The following TBX22 variants were observed in gnomAD, a reference collection of about 807,000 sequenced individuals.
TBX22 encodes the protein T-box transcription factor TBX22.
TBX22 carries 8 observed loss-of-function variants against 30.1 expected under a neutral mutation model. That is an observed-to-expected ratio of 0.27 (90% CI 0.16 to 0.48). The LOEUF is 0.48. Among genes scored for constraint, TBX22 ranks in the 20% least tolerant of loss-of-function variants. The pLI is 0.99. For missense variants in TBX22, 463 were observed against 400.5 expected (o/e 1.16, Z -1.33); for synonymous variants, 173 against 149.1 (o/e 1.16, Z -1.17).
intron 7 of TBX22, 55 bp from the exon 8 acceptor site, chrX:80,027,936 C>A (rs1924057506): frequency 2.2e-6 from 2 of 917,591 alleles, no homozygotes; most frequent in Non-Finnish European, 3.2e-6. Flanking sequence ...AACTCAAAAT[C>A]ATTATTTTCA....
chrX:80,020,094 A>T (rs1180228548), intron 1 of TBX22, among the ~76,000 whole-genome samples: 2 of 111,682 alleles, frequency 1.8e-5, no homozygotes, highest in African/African-American at 6.5e-5. Flanking sequence ...ATACAAGGTA[A>T]CGTCCTGCCT....
chrX:80,022,535 C>A, intron 2 of TBX22, 91 bp downstream of exon 2: 1 of 965,450 alleles, frequency 1.0e-6, no homozygotes, highest in Non-Finnish European at 1.4e-6. Flanking sequence ...GCCAGACAGC[C>A]ACATTAGGAG....
intron 2 of TBX22, chrX:80,022,787 C>G (rs1272166414): frequency 7.5e-6 from 3 of 400,759 alleles, no homozygotes; most frequent in Non-Finnish European, 1.3e-5. Context: ...CGGTTATCAA[C>G]GTCTCCAGGA....
chrX:80,027,374 G>GTTTTTTTT, intron 7 of TBX22, 54 bp downstream of exon 7: 3 of 424,889 alleles, frequency 7.1e-6, no homozygotes, highest in Non-Finnish European at 1.2e-5. Flanking sequence ...ATTTTCACAA[G>GTTTTTTTT]TTTTTTTTTT....
chrX:80,031,057 A>G lies in TBX22; in HGVS notation c.1509A>G (p.Gly503=). 1.7e-6 allele frequency: 2 copies of G among 1,211,062 alleles called. No individual in the cohort carries two copies. Among genetic ancestry groups the G allele is most frequent in the Non-Finnish European group, 2.2e-6 (2 of 894,771 alleles). ...ATGACGACAGTCAAGTTTCTTTTGG[A>G]GAAGGCAAATGTAATCATGTTCATT... ...KVNDDSQVSF[G]EGKCNHVHWY... The change falls in exon 9 of 9, where the codon GGA becomes GGG. Residue 503 remains glycine, a synonymous_variant. Coordinates refer to ENST00000373296, the MANE Select transcript of TBX22 (RefSeq NM_001109878.2).
intron 8 of TBX22, among the ~76,000 whole-genome samples, chrX:80,028,745 AT>A (rs886213244): frequency 2.2e-4 from 24 of 111,377 alleles, no homozygotes; most frequent in African/African-American, 3.6e-4. Flanking sequence ...AATGACATGG[AT>A]TTTTTTTATC....
chrX:80,020,422 G>C (rs1923638995), intron 1 of TBX22, among the ~76,000 whole-genome samples: 1 of 111,651 alleles, frequency 9.0e-6, no homozygotes, highest in Non-Finnish European at 1.9e-5. Context: ...AGAAACGAAT[G>C]CTCAGATCAC....
At chrX:80,029,156 A>G (rs1924125628) in intron 8 of TBX22, among the ~76,000 whole-genome samples, 1 of 112,108 alleles carries the variant, frequency 8.9e-6, no homozygotes. Context: ...TAAATGAGCT[A>G]CTAGTTTCTT....
intron 8 of TBX22, among the ~76,000 whole-genome samples, chrX:80,029,173 C>T (rs1924126631): frequency 9.0e-6 from 1 of 111,658 alleles, no homozygotes; most frequent in Non-Finnish European, 1.9e-5. Flanking sequence ...TCTTAAATAA[C>T]TTTTAAATGC....
At chrX:80,026,938 T>C in intron 6 of TBX22, 70 bp downstream of exon 6, 1 of 1,018,806 alleles carries the variant, frequency 9.8e-7, no homozygotes, top group Non-Finnish European at 1.4e-6. Context: ...GCATAGAGGC[T>C]AACTGCCATC....
At chrX:80,030,300 G>A (rs780401338) in intron 8 of TBX22, among the ~76,000 whole-genome samples, 198 bp from the exon 9 acceptor site, 3 of 111,925 alleles carry the variant, frequency 2.7e-5, no homozygotes, top group Non-Finnish European at 5.6e-5. Context: ...AGGCATTAGC[G>A]ATACCTAGTA....
chrX:80,026,469 A>G (rs1400790598), intron 5 of TBX22, among the ~76,000 whole-genome samples: 2 of 111,994 alleles, frequency 1.8e-5, no homozygotes, highest in Non-Finnish European at 3.8e-5. Flanking sequence ...TTGAAGCAGG[A>G]AAAGGCCCCA....
Position 80,023,204 on chromosome X carries a change from A to T in TBX22, c.320A>T (p.Asp107Val). 8.3e-7 allele frequency: 1 copy of T among 1,211,850 alleles called. No homozygotes were observed. Among genetic ancestry groups the T allele is most frequent in the Non-Finnish European group, 1.1e-6 (1 of 895,470 alleles). The change falls in exon 3 of 9, where the codon GAC becomes GTC. Residue 107 changes from aspartate (D) to valine (V), a missense_variant. Physicochemically the swap from Asp to Val is radical, Grantham distance 152 (BLOSUM62 -3). Coordinates refer to ENST00000373296, the MANE Select transcript of TBX22 (RefSeq NM_001109878.2). ...QGSELWKRFH[D>V]IGTEMIITKA... is the part of the protein sequence containing the mutation. The stretch of plus-strand genomic sequence containing the variant: ...TCTGAACTGTGGAAAAGATTCCATG[A>T]CATCGGGACTGAGATGATCATTACT...
rs1443202659 is a variant in TBX22 at position 80,030,895 on chromosome X, A to ACCTG, written c.1348_1351dup (p.Gly451AlafsTer16). The ACCTG allele has an allele frequency of 5.0e-6, 6 of 1,210,336 alleles. No individual in the cohort carries two copies. In the East Asian group the frequency reaches 1.5e-4, roughly 30 times the overall value. On this transcript the variant is annotated frameshift_variant, in exon 9 of 9. Coordinates refer to ENST00000373296, the MANE Select transcript of TBX22 (RefSeq NM_001109878.2). LOFTEE classifies it high-confidence loss of function. ...ATCAAATGTTATATGGATTACAGTC[A>ACCTG]CCTGGAAATATTTTTCTGCCAAACT... is the stretch of plus-strand genomic sequence containing the variant.
chrX:80,024,387 G>C (rs1207813255), intron 4 of TBX22, among the ~76,000 whole-genome samples: 1 of 111,437 alleles, frequency 9.0e-6, no homozygotes, highest in Non-Finnish European at 1.9e-5. Flanking sequence ...ATCCCCTCTT[G>C]GAATGCCGTG....
At chrX:80,020,281 G>T (rs866537852) in intron 1 of TBX22, among the ~76,000 whole-genome samples, 2 of 69,073 alleles carry the variant, frequency 2.9e-5, no homozygotes, top group East Asian at 2.5e-3. Flanking sequence ...TAGATAGATA[G>T]AGATAGATTA....
chrX:80,019,860 A>T (rs1021065733), intron 1 of TBX22, among the ~76,000 whole-genome samples: 8 of 111,878 alleles, frequency 7.2e-5, no homozygotes, highest in African/African-American at 2.6e-4. Context: ...AAATAAAAAA[A>T]TTCTGGATGA....
At chrX:80,019,388 A>T (rs1923583587) in intron 1 of TBX22, among the ~76,000 whole-genome samples, 1 of 111,447 alleles carries the variant, frequency 9.0e-6, no homozygotes, top group Non-Finnish European at 1.9e-5. Context: ...TATCTTAATC[A>T]TGGGGAGTGG....
intron 5 of TBX22, among the ~76,000 whole-genome samples, chrX:80,026,456 T>C (rs1923979420): frequency 1.8e-5 from 2 of 111,909 alleles, no homozygotes; most frequent in African/African-American, 3.3e-5. Flanking sequence ...TGGTCGCCAG[T>C]GTTTGAAGCA....
Sources: gnomAD v4.1 joint callset for allele counts (sites outside exome capture counted in the v4.1 genomes callset) on GRCh38, gnomAD v4.1.1 for gene constraint, MANE v1.5 for transcripts, NCBI Gene and HGNC (gene_info 2026-07-23, HGNC 2026-07-21) for gene names.